The following DHRS7 variants were observed in gnomAD, a reference collection of about 807,000 sequenced individuals.
The protein encoded by DHRS7 is dehydrogenase/reductase SDR family member 7.
Under a neutral mutation model 38.9 loss-of-function variants are expected in DHRS7, and 34 were observed. That is an observed-to-expected ratio of 0.87 (90% confidence interval 0.66 to 1.16). The LOEUF is 1.16. Ranked by LOEUF, DHRS7 falls within the 50% of genes most tolerant of loss-of-function variation. The probability of loss-of-function intolerance (pLI) is 0.00; values close to 1 mark genes in which losing one functional copy is unlikely to be tolerated. For synonymous variants in DHRS7, 158 were observed against 153.1 expected (o/e 1.03, Z -0.24); for missense variants, 421 against 407.0 (o/e 1.03, Z -0.30).
intron 1 of DHRS7, 45 bp from the exon 2 acceptor site, chr14:60,156,197 T>G: frequency 7.0e-7 from 1 of 1,434,784 alleles, no homozygotes; most frequent in Non-Finnish European, 9.2e-7. Context: ...AGCAATGAAT[T>G]ACGCTCATAA....
Position 60,165,387 on chromosome 14 carries a change from C to G in DHRS7, c.-78G>C, listed in dbSNP as rs1401338654. ...GCGTCGCTGCCCTGCGGGATCGCAG[C>G]GCCACCCCTTCGGCCAGCCCAGAGC... On this transcript the variant is annotated 5_prime_UTR_variant, in exon 1 of 7. Coordinates refer to ENST00000557185, the MANE Select transcript of DHRS7 (RefSeq NM_016029.4). The surrounding 1 kb of genome is among the most constrained non-coding windows in gnomAD (Gnocchi z 4.6). 6.6e-7 allele frequency: 1 copy of G among 1,508,412 alleles called. No individual in the cohort carries two copies. The highest frequency in any genetic ancestry group is 8.8e-7 in the Non-Finnish European group (1 of 1,131,964). 93.4% of individuals were successfully genotyped at this position (1,508,412 alleles called of 1,614,324 possible).
chr14:60,149,673 C>T, intron 5 of DHRS7, 105 bp from the exon 6 acceptor site: 1 of 794,950 alleles, frequency 1.3e-6, no homozygotes. Context: ...TTTAGTGGAG[C>T]TTCATGCCCC....
Position 60,153,622 on chromosome 14 carries a change from G to A in DHRS7, c.393+337C>T, listed in dbSNP as rs1053499349. On this transcript the variant is annotated intron_variant, in intron 3 of 6. Coordinates refer to ENST00000557185, the MANE Select transcript of DHRS7 (RefSeq NM_016029.4). The surrounding 1 kb of genome is among the most constrained non-coding windows in gnomAD (Gnocchi z 4.4). ...GAGGCAGGAGAATCCCTTAAACCTGGGAGGCGGAGATTGCAGTGAACCGAT... is the reference window on the plus strand; with the variant it reads ...GAGGCAGGAGAATCCCTTAAACCTGAGAGGCGGAGATTGCAGTGAACCGAT... Among the ~76,000 whole-genome samples the A allele has an allele frequency of 7.2e-5, 11 of 152,126 alleles. No homozygotes were observed. The highest frequency in any genetic ancestry group is 2.7e-4 in the African/African-American group (11 of 41,394).
chr14:60,160,628 A>G (rs892420585), intron 1 of DHRS7, among the ~76,000 whole-genome samples: 1 of 152,052 alleles, frequency 6.6e-6, no homozygotes, highest in Non-Finnish European at 1.5e-5. Flanking sequence ...CTGTCACCCA[A>G]GCTGGAGTGC....
At chr14:60,167,002 G>T (rs1896876990), upstream of DHRS7, among the ~76,000 whole-genome samples, 1 of 152,196 alleles carries the variant, frequency 6.6e-6, no homozygotes, top group Admixed American at 6.5e-5. Context: ...GGGACGTGGA[G>T]ATGGTTAACG....
At chr14:60,158,288 A>C (rs986355000) in intron 1 of DHRS7, among the ~76,000 whole-genome samples, 3 of 151,616 alleles carry the variant, frequency 2.0e-5, no homozygotes, top group Admixed American at 6.6e-5. Context: ...CCCAAATACT[A>C]TGTCTGGGCT....
At chr14:60,154,770 A>G (rs1456744717) in intron 2 of DHRS7, among the ~76,000 whole-genome samples, 1 of 152,224 alleles carries the variant, frequency 6.6e-6, no homozygotes, top group Non-Finnish European at 1.5e-5. Context: ...AAAAGTGGGC[A>G]CTACAGATCT....
In DHRS7 at chr14:60,153,065, C is replaced by A. The variant is rs1896581241; in HGVS notation, c.507G>T (p.Leu169Phe). The A allele has an allele frequency of 6.2e-7, 1 of 1,614,200 alleles. No homozygotes were observed. Among genetic ancestry groups the A allele is most frequent in the Non-Finnish European group, 8.5e-7 (1 of 1,180,038 alleles). The change falls in exon 4 of 7, where the codon TTG becomes TTT. Residue 169 changes from leucine (L) to phenylalanine (F), a missense_variant. Leu to Phe is a conservative substitution (Grantham distance 22, BLOSUM62 0). Coordinates refer to ENST00000557185, the MANE Select transcript of DHRS7 (RefSeq NM_016029.4). This position sits in a 1 kb window ranked among gnomAD's most constrained non-coding sequence, Gnocchi z 4.4. ...TCATGTGAGGCAGAACACATTTTGTCAAGGACACCGTCCCTAAGTAGTTAA... is the reference window on the plus strand; with the variant it reads ...TCATGTGAGGCAGAACACATTTTGTAAAGGACACCGTCCCTAAGTAGTTAA... ...IELNYLGTVSLTKCVLPHMIE... is the reference protein window; with the variant it reads ...IELNYLGTVSFTKCVLPHMIE...
chr14:60,165,362 G>T lies in DHRS7; in HGVS notation c.-53C>A. On this transcript the variant is annotated 5_prime_UTR_variant, in exon 1 of 7. Coordinates refer to ENST00000557185, the MANE Select transcript of DHRS7 (RefSeq NM_016029.4). This position sits in a 1 kb window ranked among gnomAD's most constrained non-coding sequence, Gnocchi z 4.6. ...GAAGAAGACGGCCCGCACCAGAGTC[G>T]CGTCGCTGCCCTGCGGGATCGCAGC... 1.3e-6 allele frequency: 2 copies of T among 1,537,788 alleles called. No homozygotes were observed. Among genetic ancestry groups the T allele is most frequent in the Non-Finnish European group, 1.7e-6 (2 of 1,146,606 alleles).
At chr14:60,167,436 A>G (rs559075874), upstream of DHRS7, among the ~76,000 whole-genome samples, 15 of 152,324 alleles carry the variant, frequency 9.8e-5, 1 homozygote, top group South Asian at 3.1e-3. Context: ...TTAATTCCAG[A>G]TGTAATAGAA....
At chr14:60,159,629 A>G (rs1024980801) in intron 1 of DHRS7, among the ~76,000 whole-genome samples, 5 of 150,448 alleles carry the variant, frequency 3.3e-5, no homozygotes, top group African/African-American at 1.2e-4. Flanking sequence ...GTCTTTTATT[A>G]TAGGCTTAGT....
chr14:60,164,180 T>G (rs1198932486), intron 1 of DHRS7, among the ~76,000 whole-genome samples: 2 of 79,862 alleles, frequency 2.5e-5, no homozygotes. Context: ...ATTACCAGAT[T>G]TTTTTTTTTT....
chr14:60,150,520 A>G (rs423181), intron 4 of DHRS7, among the ~76,000 whole-genome samples: 41,253 of 151,670 alleles, frequency 0.27, 7,621 homozygotes, highest in African/African-American at 0.52. Context: ...CCTGTGTCCA[A>G]GTGTTCTCAT....
chr14:60,164,366 C>T (rs961035535), intron 1 of DHRS7, among the ~76,000 whole-genome samples: 1 of 151,724 alleles, frequency 6.6e-6, no homozygotes, highest in South Asian at 2.1e-4. Context: ...CCAGGGAAAC[C>T]CCATTTCCCC....
At position 60,153,571 on chromosome 14, in the gene DHRS7, C is replaced by T. The variant is rs926278357; in HGVS notation, c.393+388G>A. 3.3e-5 allele frequency among the ~76,000 whole-genome samples: 5 copies of T among 152,094 alleles called. No homozygotes were observed. Among genetic ancestry groups the T allele is most frequent in the Non-Finnish European group, 1.5e-5 (1 of 68,018 alleles). Reference sequence around the variant, plus strand: ...ATTAGCTGGGCGTGATGGTGCATGCCTGTAATCCCAGCTACTCAGGAGGCT... The same window carrying T: ...ATTAGCTGGGCGTGATGGTGCATGCTTGTAATCCCAGCTACTCAGGAGGCT... On this transcript the variant is annotated intron_variant, in intron 3 of 6. Transcript: ENST00000557185. This position sits in a 1 kb window ranked among gnomAD's most constrained non-coding sequence, Gnocchi z 4.4.
rs929516166 is a variant in DHRS7, at chr14:60,145,151, T to G, written c.973-138A>C. 103 of 572,810 alleles carry G rather than the reference T, an allele frequency of 1.8e-4. 1 individual carries two copies. The highest frequency in any genetic ancestry group is 1.0e-4 in the Non-Finnish European group (36 of 350,464). The allele number at this position is 572,810 out of a possible 1,614,324, so 35.5% of individuals were successfully genotyped here. A position where few individuals can be genotyped will look rare whatever the true frequency, so the allele number is the denominator to read the frequency against. On this transcript the variant is annotated intron_variant, in intron 6 of 6. Coordinates refer to ENST00000557185, the MANE Select transcript of DHRS7 (RefSeq NM_016029.4). This position sits in a 1 kb window ranked among gnomAD's most constrained non-coding sequence, Gnocchi z 4.0. ...ATCTTTACAAAAGTTCAGAAACTGC[T>G]TAAATTAGAATTTAAAAATCATAGC...
intron 5 of DHRS7, 76 bp from the exon 6 acceptor site, chr14:60,149,644 C>T (rs1896493964): frequency 1.0e-5 from 12 of 1,187,554 alleles, no homozygotes; most frequent in Middle Eastern, 2.6e-4. Context: ...ACTCAAATGC[C>T]GTCTAGTTGA....
chr14:60,150,113 A>C lies in DHRS7; in HGVS notation c.708T>G (p.Pro236=). Residue 236 remains proline (P), a synonymous_variant, in exon 5 of 7, where the codon CCT becomes CCG. Coordinates refer to ENST00000557185, the MANE Select transcript of DHRS7 (RefSeq NM_016029.4). ...GIIVSNICPG[P]VQSNIVENSL... ...AATTCTCCACAATATTTGATTGCACAGGTCCTGGGCAAATGTTAGAAACTA... is the reference window on the plus strand; with the variant it reads ...AATTCTCCACAATATTTGATTGCACCGGTCCTGGGCAAATGTTAGAAACTA... 1 of 1,608,054 alleles carries C rather than the reference A, an allele frequency of 6.2e-7. No homozygotes were observed. The highest frequency in any genetic ancestry group is 8.5e-7 in the Non-Finnish European group (1 of 1,178,144).
intron 1 of DHRS7, among the ~76,000 whole-genome samples, chr14:60,158,130 G>A (rs1896694024): frequency 6.6e-6 from 1 of 151,578 alleles, no homozygotes; most frequent in Non-Finnish European, 1.5e-5. Context: ...CTACTCAGGA[G>A]GCTGAGGTGC....
Sources: gnomAD v4.1 joint callset for allele counts (sites outside exome capture counted in the v4.1 genomes callset) on GRCh38, gnomAD v4.1.1 for gene constraint, Gnocchi (gnomAD v3.1) non-coding constraint, MANE v1.5 for transcripts, NCBI Gene and HGNC (gene_info 2026-07-23, HGNC 2026-07-21) for gene names.